Variants in ATP5F1A observed in about 807,000 individuals in gnomAD.
The protein encoded by ATP5F1A is ATP synthase F(1) complex subunit alpha, mitochondrial.
A neutral mutation model predicts 57.4 loss-of-function variants in ATP5F1A; 24 were observed. The observed-to-expected ratio is 0.42, with a 90% confidence interval of 0.30 to 0.59. ATP5F1A has a LOEUF of 0.59. ATP5F1A is among the 20% of genes least tolerant of loss of function. The probability of loss-of-function intolerance (pLI) is 0.19; values close to 1 mark genes in which losing one functional copy is unlikely to be tolerated. For missense variants in ATP5F1A, 494 were observed against 707.9 expected, an observed-to-expected ratio of 0.70 and a Z score of 3.43; for synonymous variants, 251 against 255.5, an observed-to-expected ratio of 0.98 and a Z score of 0.17.
intron 10 of ATP5F1A, 157 bp downstream of exon 10, chr18:46,085,956 T>C: frequency 1.2e-6 from 1 of 830,612 alleles, no homozygotes; most frequent in Non-Finnish European, 1.7e-6. Context: ...AAATCAAAAA[T>C]CAAAAAACAA....
At position 46,089,888 on chromosome 18, in the gene ATP5F1A, C is replaced by G. The variant is rs750196022; in HGVS notation, c.418G>C (p.Val140Leu). 6.2e-7 allele frequency: 1 copy of G among 1,613,922 alleles called. No individual in the cohort carries two copies. Among genetic ancestry groups the G allele is most frequent in the South Asian group, 1.1e-5 (1 of 91,038 alleles). ...CCCAACAGCTCCTCACCAACTGGAA[C>G]GTCCACAATGGCTCCTGTCCTCTTC... ...IVKRTGAIVDVPVGEELLGRV... is the reference protein window; with the variant it reads ...IVKRTGAIVDLPVGEELLGRV... The change falls in exon 4 of 12, where the codon GTT becomes CTT. Residue 140 changes from valine to leucine, a missense_variant. Physicochemically the swap from Val to Leu is conservative, Grantham distance 32. Coordinates refer to ENST00000398752, the MANE Select transcript of ATP5F1A (RefSeq NM_004046.6).
chr18:46,091,163 C>T (rs548597677), intron 3 of ATP5F1A, among the ~76,000 whole-genome samples: 1 of 152,308 alleles, frequency 6.6e-6, no homozygotes, highest in South Asian at 2.1e-4. Flanking sequence ...AGATGTCATC[C>T]TCTGCTTTCC....
intron 10 of ATP5F1A, chr18:46,084,963 A>C: frequency 4.3e-6 from 1 of 233,132 alleles, no homozygotes; most frequent in Non-Finnish European, 8.2e-6. Context: ...ACTTGACAAA[A>C]TAAAAACGTA....
upstream of ATP5F1A, among the ~76,000 whole-genome samples, chr18:46,100,251 T>TAAAAAAAAAAAAA (rs34683117): frequency 2.0e-4 from 14 of 68,566 alleles, no homozygotes; most frequent in Non-Finnish European, 2.8e-4. Context: ...AAACTCCATC[T>TAAAAAAAAAAAAA]AAAAAAAAAA....
rs556439526 is a variant in ATP5F1A, at chr18:46,081,779, T to C, written c.*2503A>G. On this transcript the variant is annotated 3_prime_UTR_variant, in exon 12 of 12. Coordinates refer to ENST00000398752, the MANE Select transcript of ATP5F1A (RefSeq NM_004046.6). ...TCAGATCTAGAAGTTATTTCTCAAG[T>C]AGCTAGAAAGCAAGAGTTGATCAGA... is the stretch of plus-strand genomic sequence containing the variant. 6.6e-6 allele frequency: 1 copy of C among 150,744 alleles called. No individual in the cohort carries two copies. Among genetic ancestry groups the C allele is most frequent in the South Asian group, 2.1e-4 (1 of 4,782 alleles). 9.3% of individuals were successfully genotyped at this position (150,744 alleles called of 1,614,324 possible). A position where few individuals can be genotyped will look rare whatever the true frequency, so the allele number is the denominator to read the frequency against.
At chr18:46,098,362 A>AGGGGGGGGGG, upstream of ATP5F1A, 5 of 1,281,354 alleles carry the variant, frequency 3.9e-6, no homozygotes, top group Non-Finnish European at 5.0e-6. Flanking sequence ...CCTCGCGTTC[A>AGGGGGGGGGG]CCACCTCTCC....
At chr18:46,089,348 C>T (rs923893888) in intron 5 of ATP5F1A, 32 of 549,646 alleles carry the variant, frequency 5.8e-5, no homozygotes, top group Non-Finnish European at 9.1e-5. Flanking sequence ...GATTAAGAGT[C>T]CCATGCTCTA....
chr18:46,098,285 T>A lies in ATP5F1A; in HGVS notation c.-54A>T. ...CTGCAGCCGCAGCCTCCGGACTGAC[T>A]GGGACAAAATGGCCGAGCCGCAAAG... On this transcript the variant is annotated 5_prime_UTR_variant, in exon 1 of 12. Coordinates refer to ENST00000398752, the MANE Select transcript of ATP5F1A (RefSeq NM_004046.6). The A allele has an allele frequency of 6.5e-7, 1 of 1,537,992 alleles. No individual in the cohort carries two copies. The highest frequency in any genetic ancestry group is 8.8e-7 in the Non-Finnish European group (1 of 1,142,332).
chr18:46,091,898 C>A (rs912963974), intron 2 of ATP5F1A, 47 bp from the exon 3 acceptor site: 9 of 1,557,392 alleles, frequency 5.8e-6, no homozygotes, highest in Non-Finnish European at 6.1e-6. Flanking sequence ...CTGGGCCAGG[C>A]ACAGTGGCTC....
At chr18:46,101,716 G>A (rs1203336713), upstream of ATP5F1A, among the ~76,000 whole-genome samples, 1 of 151,500 alleles carries the variant, frequency 6.6e-6, no homozygotes, top group African/African-American at 2.4e-5. Context: ...CCAACATATC[G>A]AGATCCCTGC....
chr18:46,097,989 T>C (rs1301319301), intron 1 of ATP5F1A, 183 bp downstream of exon 1: 1 of 1,410,660 alleles, frequency 7.1e-7, no homozygotes, highest in South Asian at 1.6e-5. Flanking sequence ...ATTCTGCCTC[T>C]GCGCAGGTGA....
rs1359138412 is a variant in ATP5F1A at position 46,081,198 on chromosome 18, T to C, written c.*3084A>G. On this transcript the variant is annotated 3_prime_UTR_variant, in exon 12 of 12. Transcript: ENST00000398752. ...TAGTTAACATTTGGAATTTGATTTATAATGGACAAACATGGTTGTCTTCAT... is the reference window on the plus strand; with the variant it reads ...TAGTTAACATTTGGAATTTGATTTACAATGGACAAACATGGTTGTCTTCAT... 6.6e-6 allele frequency: 1 copy of C among 150,778 alleles called. No homozygotes were observed. Among genetic ancestry groups the C allele is most frequent in the Admixed American group, 6.6e-5 (1 of 15,046 alleles). 9.3% of individuals were successfully genotyped at this position (150,778 alleles called of 1,614,324 possible). A position where few individuals can be genotyped will look rare whatever the true frequency, so the allele number is the denominator to read the frequency against.
At chr18:46,099,623 CGGCGGT>C (rs1463809966), upstream of ATP5F1A, among the ~76,000 whole-genome samples, 2 of 151,902 alleles carry the variant, frequency 1.3e-5, no homozygotes, top group African/African-American at 4.8e-5. Flanking sequence ...TTTGTAAAGA[CGGCGGT>C]GGTGGGCAGG....
upstream of ATP5F1A, among the ~76,000 whole-genome samples, chr18:46,101,988 C>T (rs1478746871): frequency 6.6e-6 from 1 of 151,834 alleles, no homozygotes; most frequent in Non-Finnish European, 1.5e-5. Flanking sequence ...TCCTGGCTAA[C>T]ATGGTGAAAC....
At position 46,086,207 on chromosome 18, in the gene ATP5F1A, A is replaced by G. The variant is rs754265284; in HGVS notation, c.1335T>C (p.Ala445=). Residue 445 remains alanine (A), a synonymous_variant, in exon 10 of 12, where the codon GCT becomes GCC. Transcript: ENST00000398752. ...LELAQYREVA[A]FAQFGSDLDA... is the part of the protein sequence containing the mutation. Reference sequence around the variant, plus strand: ...CGAGGTCAGAACCGAACTGGGCAAAAGCAGCAACCTCACGATACTGAGCCA... The same window carrying G: ...CGAGGTCAGAACCGAACTGGGCAAAGGCAGCAACCTCACGATACTGAGCCA... 1.9e-6 allele frequency: 3 copies of G among 1,612,934 alleles called. No homozygotes were observed. Among genetic ancestry groups the G allele is most frequent in the Non-Finnish European group, 2.5e-6 (3 of 1,180,046 alleles).
intron 1 of ATP5F1A, 162 bp downstream of exon 1, chr18:46,098,010 G>C (rs1038848478): frequency 7.1e-7 from 1 of 1,413,728 alleles, no homozygotes; most frequent in Non-Finnish European, 9.2e-7. Context: ...CGAGCAAAAG[G>C]GCACCTGTGT....
chr18:46,100,292 AAAAG>A (rs935305823), upstream of ATP5F1A, among the ~76,000 whole-genome samples: 19 of 151,702 alleles, frequency 1.3e-4, no homozygotes, highest in Non-Finnish European at 2.7e-4. Context: ...AAAGAAAAGA[AAAAG>A]AAAAAGGCTG....
upstream of ATP5F1A, among the ~76,000 whole-genome samples, chr18:46,098,638 T>G (rs1911161515): frequency 6.6e-6 from 1 of 152,032 alleles, no homozygotes. Context: ...GCGGCTGTCT[T>G]GAGGACCAGG....
At chr18:46,087,817 T>C (rs889083932) in intron 6 of ATP5F1A, 3 of 439,962 alleles carry the variant, frequency 6.8e-6, no homozygotes, top group East Asian at 4.5e-5. Context: ...GAGGCAGAGG[T>C]TGCAGTGAGC....
Sources: gnomAD v4.1 joint callset for allele counts (sites outside exome capture counted in the v4.1 genomes callset) on GRCh38, gnomAD v4.1.1 for gene constraint, MANE v1.5 for transcripts, NCBI Gene and HGNC (gene_info 2026-07-23, HGNC 2026-07-21) for gene names.